Variants in CSMD3 observed in about 807,000 individuals in gnomAD.
The protein encoded by CSMD3 is CUB and Sushi multiple domains 3, also known as CUB and sushi domain-containing protein 3.
Under a neutral mutation model 435.2 loss-of-function variants are expected in CSMD3, and 177 were observed. That is an observed-to-expected ratio of 0.41 (90% CI 0.36 to 0.46). The LOEUF (loss-of-function observed/expected upper bound fraction) is 0.46. CSMD3 is among the 20% of genes least tolerant of loss of function. The pLI is 0.34. For missense variants in CSMD3, 4,265 were observed against 4,504.6 expected (o/e 0.95, Z 1.52); for synonymous variants, 1,656 against 1,520.5 (o/e 1.09, Z -2.07).
At chr8:112,908,409 C>T (rs1479411335) in intron 10 of CSMD3, among the ~76,000 whole-genome samples, 1 of 151,370 alleles carries the variant, frequency 6.6e-6, no homozygotes, top group Non-Finnish European at 1.5e-5. Flanking sequence ...TGGCTTATAT[C>T]TTTATAACTT....
intron 19 of CSMD3, 105 bp downstream of exon 19, chr8:112,650,056 T>A: frequency 1.1e-6 from 1 of 878,126 alleles, no homozygotes; most frequent in South Asian, 1.5e-5. Flanking sequence ...AAAGAACTTT[T>A]AAAAAACCTA....
chr8:112,593,707 C>T lies in CSMD3; in HGVS notation c.3716-6472G>A, dbSNP rs187693773. Among the ~76,000 whole-genome samples the T allele has an allele frequency of 7.2e-5, 11 of 152,052 alleles. No individual in the cohort carries two copies. The East Asian group carries it at 2.1e-3, about 29-fold the overall frequency. ...TTAACAGGTAGACAAAAGGGACATTCAAAGAAGGTAGTATCATGGAATAGT... is the reference window on the plus strand; with the variant it reads ...TTAACAGGTAGACAAAAGGGACATTTAAAGAAGGTAGTATCATGGAATAGT... On this transcript the variant is annotated intron_variant, in intron 22 of 70. Coordinates refer to ENST00000297405, the MANE Select transcript of CSMD3 (RefSeq NM_198123.2).
At chr8:112,435,457 T>C (rs551914867) in intron 32 of CSMD3, among the ~76,000 whole-genome samples, 1 of 152,160 alleles carries the variant, frequency 6.6e-6, no homozygotes, top group Non-Finnish European at 1.5e-5. Flanking sequence ...CTAGTCTAAA[T>C]TTTAACCATT....
Position 113,015,340 on chromosome 8 carries a change from T to C in CSMD3, c.1030+3727A>G, listed in dbSNP as rs1158628960. On this transcript the variant is annotated intron_variant, in intron 6 of 70. Coordinates refer to ENST00000297405, the MANE Select transcript of CSMD3 (RefSeq NM_198123.2). ...AAAATATCATTATCTTTCATAACTT[T>C]TAAATATTGTGTGTTGCTATTAATA... Among the ~76,000 whole-genome samples, 58 of 152,086 alleles carry C rather than the reference T, an allele frequency of 3.8e-4. 1 individual carries two copies. The highest frequency in any genetic ancestry group is 3.7e-3 in the Admixed American group (57 of 15,234).
At chr8:113,289,750 C>G (rs2093672955) in intron 2 of CSMD3, among the ~76,000 whole-genome samples, 1 of 151,630 alleles carries the variant, frequency 6.6e-6, no homozygotes, top group African/African-American at 2.4e-5. Flanking sequence ...TTTACAAGTA[C>G]TCTATATTCA....
At chr8:113,269,812 T>C (rs967467253) in intron 3 of CSMD3, among the ~76,000 whole-genome samples, 7 of 151,934 alleles carry the variant, frequency 4.6e-5, no homozygotes, top group Non-Finnish European at 1.0e-4. Flanking sequence ...AAAAATTAAT[T>C]CAATATGGAT....
chr8:112,755,355 T>TAACAATAAC (rs375506904), intron 13 of CSMD3, among the ~76,000 whole-genome samples: 2 of 147,130 alleles, frequency 1.4e-5, no homozygotes, highest in Non-Finnish European at 3.0e-5. Flanking sequence ...ATAATAATAA[T>TAACAATAAC]AATAATAATA....
chr8:112,501,279 G>A (rs1821927120), intron 30 of CSMD3, among the ~76,000 whole-genome samples: 1 of 151,580 alleles, frequency 6.6e-6, no homozygotes, highest in Non-Finnish European at 1.5e-5. Context: ...TTAAAACTCG[G>A]GACCATAGTT....
At chr8:113,269,470 A>C (rs1487334979) in intron 3 of CSMD3, among the ~76,000 whole-genome samples, 1 of 152,164 alleles carries the variant, frequency 6.6e-6, no homozygotes, top group African/African-American at 2.4e-5. Context: ...ATTACAGTTC[A>C]TATGGAACCA....
At chr8:112,912,255 A>G (rs1169988158) in intron 10 of CSMD3, among the ~76,000 whole-genome samples, 2 of 149,010 alleles carry the variant, frequency 1.3e-5, no homozygotes, top group Non-Finnish European at 3.0e-5. Flanking sequence ...TACTGCTTTC[A>G]TTTTTTTTTG....
At chr8:112,283,573 A>T (rs1309767639) in intron 58 of CSMD3, among the ~76,000 whole-genome samples, 2 of 151,646 alleles carry the variant, frequency 1.3e-5, no homozygotes, top group South Asian at 2.1e-4. Context: ...GTGAAATATT[A>T]ATTTACTCTT....
At chr8:113,354,810 T>C (rs1450221683) in intron 1 of CSMD3, among the ~76,000 whole-genome samples, 1 of 152,086 alleles carries the variant, frequency 6.6e-6, no homozygotes, top group Non-Finnish European at 1.5e-5. Context: ...CGACTATTTT[T>C]TTTTTCTTTG....
At position 112,700,521 on chromosome 8, in the gene CSMD3, C is replaced by CA. The variant is rs553405128; in HGVS notation, c.1973-10472dup. On this transcript the variant is annotated intron_variant, in intron 13 of 70. Transcript: ENST00000297405. ...CATCTCAAAAACAAACAAACAAAAG[C>CA]AAAAAAACAAAAGGTAGAGTCAAAT... 4.1e-3 allele frequency among the ~76,000 whole-genome samples: 615 copies of CA among 151,742 alleles called. 1 individual carries two copies. The highest frequency in any genetic ancestry group is 6.0e-3 in the South Asian group (29 of 4,802).
intron 4 of CSMD3, among the ~76,000 whole-genome samples, chr8:113,122,621 C>T (rs2091016881): frequency 6.6e-6 from 1 of 151,810 alleles, no homozygotes; most frequent in African/African-American, 2.4e-5. Context: ...GAGAGATGTG[C>T]TTTTTCAGGT....
chr8:112,743,304 A>AT (rs2077354024), intron 13 of CSMD3, among the ~76,000 whole-genome samples: 1 of 151,860 alleles, frequency 6.6e-6, no homozygotes. Flanking sequence ...ACCAAAAAAA[A>AT]AAAATAAATA....
chr8:112,799,306 A>G (rs2078905310), intron 13 of CSMD3, among the ~76,000 whole-genome samples: 1 of 151,912 alleles, frequency 6.6e-6, no homozygotes, highest in Non-Finnish European at 1.5e-5. Flanking sequence ...AGTGTTTGTA[A>G]GAGAAAATTC....
chr8:112,763,710 A>T (rs1397314406), intron 13 of CSMD3, among the ~76,000 whole-genome samples: 1 of 149,932 alleles, frequency 6.7e-6, no homozygotes, highest in African/African-American at 2.4e-5. Context: ...TTTTTATTTT[A>T]TTTATTGAGC....
At chr8:112,263,502 G>A in intron 61 of CSMD3, 137 bp downstream of exon 61, 3 of 706,052 alleles carry the variant, frequency 4.2e-6, no homozygotes, top group Non-Finnish European at 7.4e-6. Flanking sequence ...TTAATTACAT[G>A]AAAAGTAGCT....
intron 30 of CSMD3, among the ~76,000 whole-genome samples, chr8:112,497,251 T>C (rs959236556): frequency 2.2e-4 from 34 of 152,040 alleles, no homozygotes; most frequent in African/African-American, 7.5e-4. Flanking sequence ...GTTAATGGTA[T>C]GAAAACAAAG....
Sources: allele counts gnomAD v4.1 joint callset (sites outside exome capture counted in the v4.1 genomes callset), GRCh38; gene constraint gnomAD v4.1.1; transcripts MANE v1.5; gene names NCBI Gene and HGNC (gene_info 2026-07-23, HGNC 2026-07-21).